The following TXNL1 variants were observed in gnomAD, a reference collection of about 807,000 sequenced individuals.
The protein encoded by TXNL1 is thioredoxin-like protein 1.
In TXNL1, 14 loss-of-function variants were observed where a neutral mutation model predicts 35.5. The ratio of observed to expected loss-of-function variants is 0.39; its 90% CI spans 0.26 to 0.62. TXNL1 has a LOEUF of 0.62. Ranked by LOEUF, TXNL1 falls within the 20% of genes least tolerant of loss-of-function variation. The probability of loss-of-function intolerance (pLI) is 0.47; values close to 1 mark genes in which losing one functional copy is unlikely to be tolerated. For synonymous variants in TXNL1, 110 were observed against 115.5 expected (o/e 0.95, Z 0.31); for missense variants, 263 against 349.7 (o/e 0.75, Z 1.98).
At chr18:56,617,251 A>T (rs10513898) in intron 4 of TXNL1, among the ~76,000 whole-genome samples, 10,070 of 152,218 alleles carry the variant, frequency 0.066, 521 homozygotes, top group East Asian at 0.23. Context: ...TACTTGACCC[A>T]TAATAGTGTA....
At chr18:56,612,585 G>A (rs1289113580) in intron 6 of TXNL1, among the ~76,000 whole-genome samples, 1 of 151,974 alleles carries the variant, frequency 6.6e-6, no homozygotes, top group Non-Finnish European at 1.5e-5. Context: ...TGTTACCTAG[G>A]CTGGTCCTGA....
intron 1 of TXNL1, among the ~76,000 whole-genome samples, chr18:56,634,336 A>C (rs1325753889): frequency 2.0e-5 from 3 of 152,226 alleles, no homozygotes; most frequent in Non-Finnish European, 2.9e-5. Context: ...TTTATAATTC[A>C]AACGATGCAT....
rs688992 is a variant in TXNL1, at chr18:56,599,734, T to G, written c.*3293A>C. The G allele has an allele frequency of 0.097, 14,740 of 152,106 alleles. 860 individuals carry two copies. Among genetic ancestry groups the G allele is most frequent in the Non-Finnish European group, 0.13 (9,123 of 68,006 alleles). 9.4% of individuals were successfully genotyped at this position (152,106 alleles called of 1,614,324 possible). On this transcript the variant is annotated 3_prime_UTR_variant, in exon 8 of 8. Transcript: ENST00000217515. Reference sequence around the variant, plus strand: ...CACCATGCCTGGCTAATTTTTTGTATTTTTAGTAGAGACAGGGTTTCTCCA... The same window carrying G: ...CACCATGCCTGGCTAATTTTTTGTAGTTTTAGTAGAGACAGGGTTTCTCCA...
intron 1 of TXNL1, among the ~76,000 whole-genome samples, chr18:56,637,141 A>G (rs913911510): frequency 1.3e-5 from 2 of 152,192 alleles, no homozygotes; most frequent in African/African-American, 4.8e-5. Context: ...ACTGGTCCAA[A>G]AATAAGTCTT....
intron 1 of TXNL1, among the ~76,000 whole-genome samples, chr18:56,637,732 A>G (rs117238965): frequency 6.6e-6 from 1 of 152,228 alleles, no homozygotes; most frequent in Non-Finnish European, 1.5e-5. Flanking sequence ...TCGCATACAT[A>G]GGGGAGCCTA....
intron 7 of TXNL1, among the ~76,000 whole-genome samples, chr18:56,605,605 G>T (rs143954020): frequency 2.4e-3 from 358 of 152,150 alleles, no homozygotes; most frequent in Non-Finnish European, 2.8e-3. Flanking sequence ...GCATATTTTA[G>T]CAAAAACATC....
chr18:56,619,344 C>T (rs1481086323), intron 3 of TXNL1, among the ~76,000 whole-genome samples: 1 of 151,634 alleles, frequency 6.6e-6, no homozygotes, highest in African/African-American at 2.4e-5. Context: ...TTGAGACCAG[C>T]TTGTCCAACA....
In TXNL1 at chr18:56,602,984, T is replaced by A. The variant is rs1012063304; in HGVS notation, c.*43A>T. ...GAGAATCAAGCAATTATCCAGGAGC[T>A]GTAGATCTGATTGCAATATGGTTGT... On this transcript the variant is annotated 3_prime_UTR_variant, in exon 8 of 8. Transcript: ENST00000217515. 6.2e-7 allele frequency: 1 copy of A among 1,603,176 alleles called. No homozygotes were observed.
At chr18:56,634,469 CAAGTTCCTTACACAGACTAAGG>C (rs1468916804) in intron 1 of TXNL1, among the ~76,000 whole-genome samples, 5 of 152,150 alleles carry the variant, frequency 3.3e-5, no homozygotes, top group African/African-American at 1.2e-4. Context: ...AGAGCTTAAA[CAAGTTCCTTACACAGACTAAGG>C]AATATGTAAG....
At chr18:56,619,430 C>T (rs1465787521) in intron 3 of TXNL1, among the ~76,000 whole-genome samples, 1 of 147,924 alleles carries the variant, frequency 6.8e-6, no homozygotes, top group Non-Finnish European at 1.5e-5. Flanking sequence ...CCCAGCTACT[C>T]GGGAAGCTGA....
intron 7 of TXNL1, chr18:56,605,248 T>C (rs901992645): frequency 2.6e-5 from 4 of 152,024 alleles, no homozygotes; most frequent in Admixed American, 6.5e-5. Flanking sequence ...GGCGAGAACA[T>C]GGGAAGGGTG....
chr18:56,631,171 T>C (rs1368787747), intron 1 of TXNL1, among the ~76,000 whole-genome samples: 3 of 152,178 alleles, frequency 2.0e-5, no homozygotes, highest in Non-Finnish European at 4.4e-5. Context: ...TGAGCCACTG[T>C]GCCCAGCCAA....
At chr18:56,607,191 G>GTGTGTA (rs991188404) in intron 7 of TXNL1, among the ~76,000 whole-genome samples, 1 of 150,272 alleles carries the variant, frequency 6.7e-6, no homozygotes, top group East Asian at 1.9e-4. Flanking sequence ...GTGTGTGTGT[G>GTGTGTA]TATTCTTATA....
At chr18:56,617,080 A>C (rs890161595) in intron 4 of TXNL1, among the ~76,000 whole-genome samples, 11 of 152,162 alleles carry the variant, frequency 7.2e-5, no homozygotes, top group African/African-American at 2.7e-4. Flanking sequence ...ATTTACAAGA[A>C]ACACAATGTG....
rs779735445 is a variant in TXNL1, at chr18:56,624,512, G to T, written c.196-51C>A. On this transcript the variant is annotated intron_variant, in intron 2 of 7. Transcript: ENST00000217515. ...TATGAATTAAATCTTAAACCACTTT[G>T]AATATTCATTCTACACCTTTATGGA... 4.5e-6 allele frequency: 7 copies of T among 1,542,984 alleles called. No individual in the cohort carries two copies. The South Asian group carries it at 8.4e-5, about 19-fold the overall frequency.
At chr18:56,620,188 A>C (rs972650004) in intron 3 of TXNL1, among the ~76,000 whole-genome samples, 1 of 151,606 alleles carries the variant, frequency 6.6e-6, no homozygotes, top group Non-Finnish European at 1.5e-5. Flanking sequence ...CTGGTCTCCA[A>C]CTCCTGGCCT....
intron 3 of TXNL1, among the ~76,000 whole-genome samples, chr18:56,620,297 C>T (rs2024160070): frequency 1.3e-5 from 2 of 152,298 alleles, no homozygotes; most frequent in African/African-American, 2.4e-5. Context: ...TGTTTACTAA[C>T]ACTTTATTTA....
At position 56,621,068 on chromosome 18, in the gene TXNL1, A is replaced by C. The variant is rs1430108459; in HGVS notation, c.370-2942T>G. The stretch of plus-strand genomic sequence containing the variant: ...TTCCATCCTATCTATATGTCACTTC[A>C]ATATGGTATCTAGGATTAAGACAAC... On this transcript the variant is annotated intron_variant, in intron 3 of 7. Transcript: ENST00000217515. 2.0e-5 allele frequency among the ~76,000 whole-genome samples: 3 copies of C among 152,226 alleles called. No individual in the cohort carries two copies. In the East Asian group the frequency reaches 5.8e-4, roughly 29 times the overall value.
Position 56,615,650 on chromosome 18 carries a change from A to G in TXNL1, c.562+595T>C, listed in dbSNP as rs368632054. Among the ~76,000 whole-genome samples the G allele has an allele frequency of 2.6e-5, 4 of 152,308 alleles. No individual in the cohort carries two copies. The East Asian group carries it at 7.7e-4, about 29-fold the overall frequency. ...ATTTGAAATAAATCTTTCAGTTTTG[A>G]TTCTAAAATACGGCTGCTCAAAAGC... On this transcript the variant is annotated intron_variant, in intron 5 of 7. Transcript: ENST00000217515.
Sources: gnomAD v4.1 joint callset for allele counts (sites outside exome capture counted in the v4.1 genomes callset) on GRCh38, gnomAD v4.1.1 for gene constraint, MANE v1.5 for transcripts, NCBI Gene and HGNC (gene_info 2026-07-23, HGNC 2026-07-21) for gene names.